Variants in JARID2 observed in about 807,000 individuals in gnomAD.
JARID2 encodes jumonji and AT-rich interaction domain containing 2, also known as protein Jumonji.
JARID2 carries 21 observed loss-of-function variants against 125.6 expected under a neutral mutation model. The observed-to-expected ratio is 0.17, with a 90% confidence interval of 0.12 to 0.24. The LOEUF is 0.24. JARID2 is among the 10% of genes least tolerant of loss of function. JARID2 has a pLI of 1.00. For missense variants in JARID2, 1,303 were observed against 1,639.6 expected (o/e 0.79, Z 3.55); for synonymous variants, 736 against 661.6 (o/e 1.11, Z -1.73).
chr6:15,433,389 C>T (rs1021498427), intron 3 of JARID2, among the ~76,000 whole-genome samples: 40 of 149,940 alleles, frequency 2.7e-4, no homozygotes, highest in African/African-American at 9.1e-4. Context: ...TGCATGCCTC[C>T]TCCCCAACCC....
At chr6:15,314,858 T>G (rs1245564620) in intron 1 of JARID2, 1 of 152,228 alleles carries the variant, frequency 6.6e-6, no homozygotes, top group African/African-American at 2.4e-5. Flanking sequence ...ACGCACATAC[T>G]TAGCCTGATG....
At chr6:15,502,430 A>G (rs1015525482) in intron 8 of JARID2, among the ~76,000 whole-genome samples, 1 of 152,202 alleles carries the variant, frequency 6.6e-6, no homozygotes, top group African/African-American at 2.4e-5. Flanking sequence ...TCTCTGCTCC[A>G]GCCCTCGTGA....
chr6:15,380,552 G>C (rs1407936945), intron 2 of JARID2, among the ~76,000 whole-genome samples: 1 of 152,150 alleles, frequency 6.6e-6, no homozygotes, highest in African/African-American at 2.4e-5. Flanking sequence ...TTTTAATGCT[G>C]TTGTCGTTCT....
intron 1 of JARID2, among the ~76,000 whole-genome samples, chr6:15,324,074 C>T (rs1236419563): frequency 6.6e-6 from 1 of 151,270 alleles, no homozygotes; most frequent in Non-Finnish European, 1.5e-5. Flanking sequence ...CCCAGCTACT[C>T]AGGCTGAGGC....
At chr6:15,366,677 C>G (rs186865816) in intron 1 of JARID2, among the ~76,000 whole-genome samples, 1 of 152,134 alleles carries the variant, frequency 6.6e-6, no homozygotes, top group African/African-American at 2.4e-5. Context: ...AAGGCGATTT[C>G]TGCATTTCAG....
At chr6:15,495,391 C>T (rs1396294394) in intron 6 of JARID2, among the ~76,000 whole-genome samples, 1 of 152,130 alleles carries the variant, frequency 6.6e-6, no homozygotes, top group Non-Finnish European at 1.5e-5. Context: ...AGCGCGTGTG[C>T]AGACGAGGGT....
intron 1 of JARID2, among the ~76,000 whole-genome samples, chr6:15,254,958 C>T (rs571120747): frequency 1.8e-4 from 27 of 151,392 alleles, no homozygotes; most frequent in Non-Finnish European, 2.9e-4. Flanking sequence ...AGGAGAATTA[C>T]TTGAGGAGGA....
chr6:15,315,802 T>G (rs1012189557), intron 1 of JARID2, among the ~76,000 whole-genome samples: 1 of 152,194 alleles, frequency 6.6e-6, no homozygotes, highest in African/African-American at 2.4e-5. Flanking sequence ...AAGCAAGTCC[T>G]GTAGTGTGTG....
At chr6:15,429,331 C>A (rs1441848289) in intron 3 of JARID2, among the ~76,000 whole-genome samples, 1 of 151,722 alleles carries the variant, frequency 6.6e-6, no homozygotes. Context: ...ATGGTGTCAT[C>A]ATAGGCTAAC....
chr6:15,321,481 G>A (rs2127441155), intron 1 of JARID2, among the ~76,000 whole-genome samples: 1 of 152,260 alleles, frequency 6.6e-6, no homozygotes, highest in African/African-American at 2.4e-5. Flanking sequence ...AACATGGTTT[G>A]TAGCTTTTTA....
At chr6:15,359,622 G>T (rs377187378) in intron 1 of JARID2, among the ~76,000 whole-genome samples, 15 of 152,150 alleles carry the variant, frequency 9.9e-5, no homozygotes, top group African/African-American at 3.1e-4. Context: ...AGCGGTGGGG[G>T]GTGTGTGTTA....
At chr6:15,446,810 C>T (rs1451303282) in intron 3 of JARID2, among the ~76,000 whole-genome samples, 1 of 152,202 alleles carries the variant, frequency 6.6e-6, no homozygotes, top group East Asian at 1.9e-4. Context: ...GGAGTGCACA[C>T]CAGAAGGCTG....
At chr6:15,488,121 A>G (rs1005694381) in intron 6 of JARID2, among the ~76,000 whole-genome samples, 1 of 151,454 alleles carries the variant, frequency 6.6e-6, no homozygotes, top group Non-Finnish European at 1.5e-5. Context: ...CACCCTGACC[A>G]CCTCCTGCCC....
chr6:15,282,104 G>A (rs540406653), intron 1 of JARID2, among the ~76,000 whole-genome samples: 2 of 151,976 alleles, frequency 1.3e-5, no homozygotes, highest in Non-Finnish European at 2.9e-5. Context: ...CATCATGCTC[G>A]ACCAATTTCT....
intron 1 of JARID2, among the ~76,000 whole-genome samples, chr6:15,373,096 A>C (rs1207113300): frequency 2.6e-5 from 4 of 152,254 alleles, no homozygotes; most frequent in Non-Finnish European, 4.4e-5. Flanking sequence ...ATTAACAGCT[A>C]CAGAAGAGAA....
intron 1 of JARID2, among the ~76,000 whole-genome samples, chr6:15,254,093 C>T (rs1011127923): frequency 6.6e-6 from 1 of 152,174 alleles, no homozygotes; most frequent in Non-Finnish European, 1.5e-5. Context: ...AAGTGTCCGT[C>T]TTCCCTGCAT....
chr6:15,277,778 C>CAAA (rs541398012), intron 1 of JARID2, among the ~76,000 whole-genome samples: 3 of 83,808 alleles, frequency 3.6e-5, no homozygotes, highest in African/African-American at 1.3e-4. Context: ...GCCAAGTCTG[C>CAAA]AAAAAAAAAA....
chr6:15,515,397 C>T (rs1048584034), intron 16 of JARID2, among the ~76,000 whole-genome samples: 1 of 152,152 alleles, frequency 6.6e-6, no homozygotes, highest in Non-Finnish European at 1.5e-5. Flanking sequence ...GCTGGTCTGT[C>T]CCTGTGAGGT....
At chr6:15,374,026 C>T (rs1006549393) in intron 1 of JARID2, 91 bp from the exon 2 acceptor site, 34 of 1,471,976 alleles carry the variant, frequency 2.3e-5, no homozygotes, top group African/African-American at 4.2e-5. Flanking sequence ...AGTACGTGTT[C>T]GGAAATTCCT....
Sources: allele counts gnomAD v4.1 joint callset (sites outside exome capture counted in the v4.1 genomes callset), GRCh38; gene constraint gnomAD v4.1.1; transcripts MANE v1.5; gene names NCBI Gene and HGNC (gene_info 2026-07-23, HGNC 2026-07-21).